ALMS1: variants seen among roughly 807,000 people sequenced by gnomAD.
The protein encoded by ALMS1 is ALMS1 centrosome and basal body associated protein.
Under a neutral mutation model 352.2 loss-of-function variants are expected in ALMS1, and 271 were observed. The ratio of observed to expected loss-of-function variants is 0.77; its 90% CI spans 0.70 to 0.85. The LOEUF (loss-of-function observed/expected upper bound fraction) is 0.85. Among genes scored for constraint, ALMS1 ranks in the 40% least tolerant of loss-of-function variants. The pLI, the probability that ALMS1 is intolerant of heterozygous loss-of-function variation, is 0.00. For synonymous variants in ALMS1, 1,865 were observed against 1,761.2 expected (o/e 1.06, Z -1.48); for missense variants, 5,445 against 4,870.7 (o/e 1.12, Z -3.51).
At chr2:73,512,036 C>T (rs1180867302) in intron 10 of ALMS1, among the ~76,000 whole-genome samples, 1 of 152,136 alleles carries the variant, frequency 6.6e-6, no homozygotes, top group East Asian at 1.9e-4. Context: ...TCCTCCACAT[C>T]CTCATCAGCA....
At chr2:73,558,350 G>A (rs1415789890) in intron 14 of ALMS1, among the ~76,000 whole-genome samples, 2 of 152,116 alleles carry the variant, frequency 1.3e-5, no homozygotes, top group African/African-American at 4.8e-5. Context: ...TGTATTCTGG[G>A]CAACACTTCT....
chr2:73,568,808 T>A (rs1033477533), intron 15 of ALMS1, among the ~76,000 whole-genome samples: 1 of 152,012 alleles, frequency 6.6e-6, no homozygotes, highest in African/African-American at 2.4e-5. Flanking sequence ...CTTTTATATA[T>A]TCGGGGAGAA....
intron 12 of ALMS1, among the ~76,000 whole-genome samples, chr2:73,541,219 C>T (rs1449771049): frequency 6.6e-6 from 1 of 152,178 alleles, no homozygotes; most frequent in Non-Finnish European, 1.5e-5. Flanking sequence ...TTAAGAAACT[C>T]ACTCAGAACC....
chr2:73,446,901 C>T (rs1671820172), intron 7 of ALMS1, among the ~76,000 whole-genome samples: 1 of 152,158 alleles, frequency 6.6e-6, no homozygotes, highest in Admixed American at 6.5e-5. Context: ...ACATGGTCAT[C>T]TTTGCAACTC....
At position 73,452,787 on chromosome 2, in the gene ALMS1, A is replaced by G; in HGVS notation, c.6260A>G (p.Lys2087Arg). The G allele has an allele frequency of 6.2e-7, 1 of 1,613,428 alleles. No homozygotes were observed. The highest frequency in any genetic ancestry group is 8.5e-7 in the Non-Finnish European group (1 of 1,179,832). The change falls in exon 8 of 23, where the codon AAA (lysine) becomes AGA (arginine). Residue 2087 changes from lysine (K) to arginine (R), a missense_variant. Lys to Arg is a conservative substitution (Grantham distance 26). Transcript: ENST00000613296. The stretch of plus-strand genomic sequence containing the variant: ...GAACTAACTGATGTGAATACTGGAA[A>G]ACCAGTATCTCTCTCTAGTTCTTAT... ...VPELTDVNTG[K>R]PVSLSSSYFH...
chr2:73,544,404 T>C (rs1674265463), intron 12 of ALMS1, among the ~76,000 whole-genome samples: 1 of 152,072 alleles, frequency 6.6e-6, no homozygotes, highest in Non-Finnish European at 1.5e-5. Flanking sequence ...TTAGGAGATA[T>C]ACCTAATGTT....
At chr2:73,548,450 C>CT (rs1433179194) in intron 12 of ALMS1, among the ~76,000 whole-genome samples, 1 of 152,228 alleles carries the variant, frequency 6.6e-6, no homozygotes, top group Non-Finnish European at 1.5e-5. Context: ...GGTTGATTCT[C>CT]TTGCTTATTC....
intron 9 of ALMS1, among the ~76,000 whole-genome samples, chr2:73,488,130 C>G (rs1030035181): frequency 6.6e-6 from 1 of 152,166 alleles, no homozygotes; most frequent in Non-Finnish European, 1.5e-5. Flanking sequence ...CCCTTTCTGC[C>G]CAGGAGCCTG....
rs1389845011 is a variant in ALMS1 at position 73,490,883 on chromosome 2, G to A, written c.8924G>A (p.Gly2975Asp). ...GAACAATGCCAAAGCAAAGCGCCAGGTGTAGATGACCAAATGAATAAACAC... is the reference window on the plus strand; with the variant it reads ...GAACAATGCCAAAGCAAAGCGCCAGATGTAGATGACCAAATGAATAAACAC... ...SLEQCQSKAPGVDDQMNKHHF... is the reference protein window; with the variant it reads ...SLEQCQSKAPDVDDQMNKHHF... Residue 2975 changes from glycine (G) to aspartate (D), a missense_variant, in exon 10 of 23, where the codon GGT (glycine) becomes GAT (aspartate). By Grantham distance (94) the Gly-to-Asp change is moderately conservative. Coordinates refer to ENST00000613296, the MANE Select transcript of ALMS1 (RefSeq NM_001378454.1). 1 of 1,613,970 alleles carries A rather than the reference G, an allele frequency of 6.2e-7. No homozygotes were observed. The highest frequency in any genetic ancestry group is 8.5e-7 in the Non-Finnish European group (1 of 1,179,988).
At chr2:73,550,855 T>G (rs1173090451) in intron 13 of ALMS1, among the ~76,000 whole-genome samples, 1 of 152,252 alleles carries the variant, frequency 6.6e-6, no homozygotes, top group East Asian at 1.9e-4. Flanking sequence ...TTTTTAATTT[T>G]TTTAAAGACA....
intron 1 of ALMS1, among the ~76,000 whole-genome samples, chr2:73,390,678 T>TG (rs1471010807): frequency 6.6e-6 from 1 of 152,224 alleles, no homozygotes; most frequent in African/African-American, 2.4e-5. Context: ...TGAGTTGTGC[T>TG]GGGGAAGATA....
chr2:73,545,848 G>A (rs1226120737), intron 12 of ALMS1, among the ~76,000 whole-genome samples: 2 of 152,232 alleles, frequency 1.3e-5, no homozygotes, highest in African/African-American at 4.8e-5. Context: ...TATGACTACG[G>A]AAGAATATGT....
chr2:73,543,015 T>G (rs1691391373), intron 12 of ALMS1, among the ~76,000 whole-genome samples: 1 of 152,110 alleles, frequency 6.6e-6, no homozygotes. Context: ...AAAAAACGAC[T>G]TTTAAAGTTC....
intron 11 of ALMS1, among the ~76,000 whole-genome samples, chr2:73,523,211 C>G (rs1396925576): frequency 6.6e-6 from 1 of 152,186 alleles, no homozygotes; most frequent in Non-Finnish European, 1.5e-5. Flanking sequence ...TGTTCCCCAG[C>G]TTATGCCATA....
At chr2:73,526,020 T>G (rs2103974424) in intron 11 of ALMS1, among the ~76,000 whole-genome samples, 1 of 152,328 alleles carries the variant, frequency 6.6e-6, no homozygotes, top group African/African-American at 2.4e-5. Context: ...CCAGCACCAT[T>G]TGTTGAAGAG....
intron 9 of ALMS1, among the ~76,000 whole-genome samples, chr2:73,488,636 A>G (rs1432401887): frequency 1.3e-5 from 2 of 152,088 alleles, no homozygotes; most frequent in Non-Finnish European, 2.9e-5. Flanking sequence ...TTCCTTCCCC[A>G]CTGCAGCTGG....
intron 16 of ALMS1, among the ~76,000 whole-genome samples, chr2:73,595,010 A>G (rs1675515774): frequency 6.6e-6 from 1 of 152,168 alleles, no homozygotes; most frequent in Non-Finnish European, 1.5e-5. Context: ...CTGTGGCCTA[A>G]CGTATGTTAT....
chr2:73,579,556 C>T (rs978569277), intron 16 of ALMS1, among the ~76,000 whole-genome samples: 2 of 152,106 alleles, frequency 1.3e-5, no homozygotes, highest in Non-Finnish European at 2.9e-5. Flanking sequence ...GACGTGGTTT[C>T]ACCGTGTTGG....
chr2:73,397,100 G>A (rs764062641), intron 1 of ALMS1, among the ~76,000 whole-genome samples: 1 of 152,164 alleles, frequency 6.6e-6, no homozygotes, highest in African/African-American at 2.4e-5. Flanking sequence ...AGGGGTTGTG[G>A]AGATAAAACT....
Sources: allele counts gnomAD v4.1 joint callset (sites outside exome capture counted in the v4.1 genomes callset), GRCh38; gene constraint gnomAD v4.1.1; transcripts MANE v1.5; gene names NCBI Gene and HGNC (gene_info 2026-07-23, HGNC 2026-07-21).